PRKN: variants seen among roughly 807,000 people sequenced by gnomAD.
The protein encoded by PRKN is E3 ubiquitin-protein ligase parkin.
A neutral mutation model predicts 59.5 loss-of-function variants in PRKN; 56 were observed. The ratio of observed to expected loss-of-function variants is 0.94; its 90% CI spans 0.76 to 1.18. The LOEUF is 1.18. PRKN is among the 50% of genes most tolerant of loss of function. PRKN has a pLI of 0.00. For synonymous variants in PRKN, 250 were observed against 222.1 expected, an observed-to-expected ratio of 1.13 and a Z score of -1.12; for missense variants, 657 against 596.4, an observed-to-expected ratio of 1.10 and a Z score of -1.06.
intron 4 of PRKN, among the ~76,000 whole-genome samples, chr6:162,176,462 A>G (rs960046793): frequency 6.6e-6 from 1 of 152,182 alleles, no homozygotes; most frequent in African/African-American, 2.4e-5. Context: ...CAGGTGATAT[A>G]TTGATATGTT....
intron 9 of PRKN, among the ~76,000 whole-genome samples, chr6:161,501,944 G>T (rs1007312282): frequency 6.6e-6 from 1 of 152,054 alleles, no homozygotes; most frequent in Admixed American, 6.6e-5. Context: ...GGCTGTTCTG[G>T]GGGAAGATAT....
intron 1 of PRKN, among the ~76,000 whole-genome samples, chr6:162,651,633 G>A (rs544561695): frequency 4.6e-5 from 7 of 152,212 alleles, no homozygotes; most frequent in African/African-American, 1.7e-4. Flanking sequence ...CTTTTAGAAA[G>A]TTATACTGTG....
rs73785329 is a variant in PRKN, at chr6:162,043,342, T to C, written c.618+10749A>G. On this transcript the variant is annotated intron_variant, in intron 5 of 11. Transcript: ENST00000366898. ...CCAGAAAAATATAGATGTTTTTGAA[T>C]AAGGTTTTTGAATAAGAAAAATCTC... Among the ~76,000 whole-genome samples, 237 of 152,300 alleles carry C rather than the reference T, an allele frequency of 1.6e-3. 2 individuals are homozygous for C. Among genetic ancestry groups the C allele is most frequent in the African/African-American group, 5.4e-3 (224 of 41,570 alleles).
At chr6:162,325,652 T>A (rs975600416) in intron 2 of PRKN, among the ~76,000 whole-genome samples, 1 of 152,172 alleles carries the variant, frequency 6.6e-6, no homozygotes, top group Non-Finnish European at 1.5e-5. Context: ...ACAAGCTTCC[T>A]GAATTTCACA....
chr6:162,615,961 G>A (rs1782390886), intron 1 of PRKN, among the ~76,000 whole-genome samples: 1 of 152,150 alleles, frequency 6.6e-6, no homozygotes. Context: ...CCTAAACCAA[G>A]AAGATGCTCT....
At chr6:162,058,001 C>T (rs1181410559) in intron 4 of PRKN, among the ~76,000 whole-genome samples, 1 of 152,132 alleles carries the variant, frequency 6.6e-6, no homozygotes, top group Non-Finnish European at 1.5e-5. Context: ...TTGAGGGGAA[C>T]CCAGAGGGCA....
chr6:161,999,918 A>G (rs1781987914), intron 5 of PRKN, among the ~76,000 whole-genome samples: 1 of 152,162 alleles, frequency 6.6e-6, no homozygotes, highest in African/African-American at 2.4e-5. Context: ...ATTATATTTC[A>G]AAGAAATACT....
rs1285127329 is a variant in PRKN, at chr6:162,056,273, ACAC to A, written c.535-2102_535-2100del. Among the ~76,000 whole-genome samples, 2 of 151,622 alleles carry A rather than the reference ACAC, an allele frequency of 1.3e-5. No homozygotes were observed. Among genetic ancestry groups the A allele is most frequent in the Non-Finnish European group, 2.9e-5 (2 of 67,862 alleles). On this transcript the variant is annotated intron_variant, in intron 4 of 11. Coordinates refer to ENST00000366898, the MANE Select transcript of PRKN (RefSeq NM_004562.3). This position sits in a 1 kb window ranked among gnomAD's most constrained non-coding sequence, Gnocchi z 4.9. ...CACATACATCCAAACACATACATGC[ACAC>A]CAAGACACACCACACATGCATAAAC...
Position 162,481,836 on chromosome 6 carries a change from T to C in PRKN, c.8-38363A>G, listed in dbSNP as rs531911669. ...CAAGAAATACATGCGTGTGTTTGTG[T>C]CCTTTATATGGGCCAACATAAGCTT... is the stretch of plus-strand genomic sequence containing the variant. On this transcript the variant is annotated intron_variant, in intron 1 of 11. Transcript: ENST00000366898. Among the ~76,000 whole-genome samples, 3 of 152,340 alleles carry C rather than the reference T, an allele frequency of 2.0e-5. No homozygotes were observed. In the East Asian group the frequency reaches 5.8e-4, roughly 29 times the overall value.
At chr6:162,125,188 C>T (rs539775817) in intron 4 of PRKN, among the ~76,000 whole-genome samples, 2 of 152,276 alleles carry the variant, frequency 1.3e-5, no homozygotes, top group African/African-American at 4.8e-5. Flanking sequence ...CTGCCAACAT[C>T]GTGTAGCACA....
chr6:162,059,205 G>C (rs980598018), intron 4 of PRKN, among the ~76,000 whole-genome samples: 2 of 152,110 alleles, frequency 1.3e-5, no homozygotes, highest in African/African-American at 4.8e-5. Context: ...ACAAATTCGT[G>C]TTCTACAGAG....
intron 1 of PRKN, among the ~76,000 whole-genome samples, chr6:162,603,661 C>T (rs1351501704): frequency 2.6e-5 from 4 of 152,156 alleles, no homozygotes; most frequent in African/African-American, 9.7e-5. Flanking sequence ...AATGATCAAA[C>T]ATTGAAATTG....
chr6:162,437,830 C>T (rs1789851995), intron 2 of PRKN, among the ~76,000 whole-genome samples: 1 of 152,130 alleles, frequency 6.6e-6, no homozygotes, highest in African/African-American at 2.4e-5. Context: ...CACAGATCCA[C>T]TGAAAGACAT....
Position 161,388,804 on chromosome 6 carries a change from C to A in PRKN, c.1084-1927G>T, listed in dbSNP as rs750725156. ...CATGGAGAAGAGCTGCGGCCTCAGC[C>A]GCAACAATAGCCCTGTCTGAGCTTT... is the stretch of plus-strand genomic sequence containing the variant. On this transcript the variant is annotated intron_variant, in intron 9 of 11. Coordinates refer to ENST00000366898, the MANE Select transcript of PRKN (RefSeq NM_004562.3). The surrounding 1 kb of genome is among the most constrained non-coding windows in gnomAD (Gnocchi z 4.3). Among the ~76,000 whole-genome samples, 1 of 152,194 alleles carries A rather than the reference C, an allele frequency of 6.6e-6. No individual in the cohort carries two copies. Among genetic ancestry groups the A allele is most frequent in the Non-Finnish European group, 1.5e-5 (1 of 68,040 alleles).
In PRKN at chr6:161,547,363, G is replaced by A. The variant is rs529001561; in HGVS notation, c.1083+1491C>T. ...CTTCTAAAATAATTTGTCATGATTT[G>A]CAGCTTAAGTATGTATGTTATTTAC... is the stretch of plus-strand genomic sequence containing the variant. On this transcript the variant is annotated intron_variant, in intron 9 of 11. Coordinates refer to ENST00000366898, the MANE Select transcript of PRKN (RefSeq NM_004562.3). The surrounding 1 kb of genome is among the most constrained non-coding windows in gnomAD (Gnocchi z 4.0). Among the ~76,000 whole-genome samples the A allele has an allele frequency of 1.3e-3, 201 of 152,052 alleles. No homozygotes were observed. The highest frequency in any genetic ancestry group is 1.9e-3 in the Non-Finnish European group (126 of 68,004).
At chr6:162,064,757 T>C (rs541829378) in intron 4 of PRKN, among the ~76,000 whole-genome samples, 3 of 152,380 alleles carry the variant, frequency 2.0e-5, no homozygotes, top group African/African-American at 7.2e-5. Flanking sequence ...CATTTTCTTT[T>C]AAGCAGGGTA....
At chr6:162,047,325 A>T (rs1291514718) in intron 5 of PRKN, among the ~76,000 whole-genome samples, 1 of 152,182 alleles carries the variant, frequency 6.6e-6, no homozygotes, top group Non-Finnish European at 1.5e-5. Context: ...CCTCAAAGCC[A>T]CAAAGGCTGG....
At chr6:162,210,541 T>C (rs1419758736) in intron 3 of PRKN, among the ~76,000 whole-genome samples, 1 of 152,202 alleles carries the variant, frequency 6.6e-6, no homozygotes, top group Non-Finnish European at 1.5e-5. Flanking sequence ...ACTGCATTTT[T>C]GTAAATAGAG....
intron 5 of PRKN, among the ~76,000 whole-genome samples, chr6:162,029,178 C>G (rs1035566387): frequency 6.6e-6 from 1 of 152,188 alleles, no homozygotes; most frequent in South Asian, 2.1e-4. Context: ...CAGAAACAAA[C>G]CCACCCACCT....
Sources: gnomAD v4.1 joint callset for allele counts (sites outside exome capture counted in the v4.1 genomes callset) on GRCh38, gnomAD v4.1.1 for gene constraint, Gnocchi (gnomAD v3.1) non-coding constraint, MANE v1.5 for transcripts, NCBI Gene and HGNC (gene_info 2026-07-23, HGNC 2026-07-21) for gene names.